The following MAGI2 variants were observed in gnomAD, a reference collection of about 807,000 sequenced individuals.
The protein encoded by MAGI2 is membrane-associated guanylate kinase, WW and PDZ domain-containing protein 2.
Under a neutral mutation model 133.3 loss-of-function variants are expected in MAGI2, and 35 were observed. The ratio of observed to expected loss-of-function variants is 0.26; its 90% CI spans 0.20 to 0.35. The LOEUF is 0.35. Among genes scored for constraint, MAGI2 ranks in the 10% least tolerant of loss-of-function variants. The pLI, the probability that MAGI2 is intolerant of heterozygous loss-of-function variation, is 1.00. For synonymous variants in MAGI2, 729 were observed against 710.6 expected (o/e 1.03, Z -0.41); for missense variants, 1,636 against 1,863.4 (o/e 0.88, Z 2.25).
intron 2 of MAGI2, among the ~76,000 whole-genome samples, chr7:78,725,800 A>G (rs900631655): frequency 6.7e-6 from 1 of 149,786 alleles, no homozygotes; most frequent in Non-Finnish European, 1.5e-5. Flanking sequence ...CTCGGTCTCA[A>G]TACAACAACA....
intron 1 of MAGI2, among the ~76,000 whole-genome samples, chr7:79,248,743 A>G (rs1362947518): frequency 6.6e-6 from 1 of 152,218 alleles, no homozygotes; most frequent in Non-Finnish European, 1.5e-5. Flanking sequence ...AACACATGGA[A>G]ATTAGACAAT....
At chr7:78,992,061 T>C (rs1046781247) in intron 2 of MAGI2, among the ~76,000 whole-genome samples, 6 of 152,100 alleles carry the variant, frequency 3.9e-5, no homozygotes, top group African/African-American at 1.2e-4. Context: ...TATTAGTCTA[T>C]GTCTTCATCA....
At chr7:78,487,515 G>A (rs1307742166) in intron 6 of MAGI2, 1 of 152,102 alleles carries the variant, frequency 6.6e-6, no homozygotes, top group Non-Finnish European at 1.5e-5. Context: ...TGCACAGTGA[G>A]CGCAAAGAAA....
intron 1 of MAGI2, among the ~76,000 whole-genome samples, chr7:79,434,895 A>G (rs890132009): frequency 2.0e-5 from 3 of 152,220 alleles, no homozygotes; most frequent in Admixed American, 6.5e-5. Context: ...CAATTAGTAG[A>G]AAGCCTAAAT....
chr7:78,654,263 G>A (rs1297538503), intron 2 of MAGI2, among the ~76,000 whole-genome samples: 1 of 152,096 alleles, frequency 6.6e-6, no homozygotes, highest in East Asian at 1.9e-4. Flanking sequence ...GTAAAACTGG[G>A]ATAACATACT....
intron 7 of MAGI2, among the ~76,000 whole-genome samples, chr7:78,351,042 G>C (rs541599235): frequency 6.6e-6 from 1 of 152,284 alleles, no homozygotes; most frequent in East Asian, 1.9e-4. Context: ...CTTTTAAGTG[G>C]AGACTGTGTC....
At chr7:79,145,029 A>T (rs939466108) in intron 1 of MAGI2, among the ~76,000 whole-genome samples, 67 of 152,100 alleles carry the variant, frequency 4.4e-4, no homozygotes, top group Non-Finnish European at 4.4e-5. Context: ...TGGGTTTGGA[A>T]ATGTTTTTCT....
intron 1 of MAGI2, among the ~76,000 whole-genome samples, chr7:79,084,100 T>C (rs886290513): frequency 2.0e-5 from 3 of 151,836 alleles, no homozygotes; most frequent in African/African-American, 4.8e-5. Flanking sequence ...TTTCAAAGAA[T>C]CAATTTTTTG....
chr7:78,742,661 A>T (rs1822544030), intron 2 of MAGI2, among the ~76,000 whole-genome samples: 1 of 152,188 alleles, frequency 6.6e-6, no homozygotes, highest in Non-Finnish European at 1.5e-5. Context: ...CCCACAAGAA[A>T]ATCCCCTATC....
chr7:79,329,553 G>A (rs180912172), intron 1 of MAGI2, among the ~76,000 whole-genome samples: 24 of 152,252 alleles, frequency 1.6e-4, no homozygotes, highest in Admixed American at 6.5e-4. Flanking sequence ...GAAGCCATCC[G>A]TATTACTTTG....
At chr7:79,000,405 C>A (rs975989605) in intron 2 of MAGI2, 1 of 152,090 alleles carries the variant, frequency 6.6e-6, no homozygotes, top group Non-Finnish European at 1.5e-5. Context: ...GATGTTAACA[C>A]GTATTTTTAC....
At chr7:78,573,247 A>ATAT (rs1801794540) in intron 3 of MAGI2, among the ~76,000 whole-genome samples, 5 of 44,836 alleles carry the variant, frequency 1.1e-4, no homozygotes, top group Non-Finnish European at 1.9e-4. Flanking sequence ...TATATATATA[A>ATAT]ATATATATAA....
At chr7:78,537,460 C>A (rs1326414813) in intron 3 of MAGI2, among the ~76,000 whole-genome samples, 1 of 152,174 alleles carries the variant, frequency 6.6e-6, no homozygotes, top group African/African-American at 2.4e-5. Context: ...TACATTCCCA[C>A]CAGCAGTGTA....
At chr7:79,253,206 TA>T (rs1385289313) in intron 1 of MAGI2, among the ~76,000 whole-genome samples, 1 of 152,226 alleles carries the variant, frequency 6.6e-6, no homozygotes, top group Non-Finnish European at 1.5e-5. Flanking sequence ...TATATTCCTA[TA>T]TTATATGTTT....
At chr7:79,139,544 C>T (rs1821922600) in intron 1 of MAGI2, among the ~76,000 whole-genome samples, 1 of 152,176 alleles carries the variant, frequency 6.6e-6, no homozygotes, top group Non-Finnish European at 1.5e-5. Context: ...ACTTACTGAA[C>T]TCCAGCTATG....
intron 6 of MAGI2, among the ~76,000 whole-genome samples, chr7:78,462,964 AT>A (rs1790221167): frequency 1.3e-5 from 2 of 152,222 alleles, no homozygotes; most frequent in African/African-American, 2.4e-5. Flanking sequence ...GGTTTCTAAA[AT>A]TGAGAAACAG....
chr7:78,759,272 C>T (rs574341249), intron 2 of MAGI2, among the ~76,000 whole-genome samples: 1 of 152,078 alleles, frequency 6.6e-6, no homozygotes, highest in African/African-American at 2.4e-5. Context: ...ATTTGAACAT[C>T]TGGCCTACCT....
chr7:78,770,753 T>C (rs1183729041), intron 2 of MAGI2: 1 of 152,026 alleles, frequency 6.6e-6, no homozygotes, highest in Admixed American at 6.6e-5. Context: ...TCCCCAGGGG[T>C]TGAGGAGCAG....
At chr7:78,478,142 C>T (rs975372719) in intron 6 of MAGI2, among the ~76,000 whole-genome samples, 1 of 151,684 alleles carries the variant, frequency 6.6e-6, no homozygotes, top group African/African-American at 2.4e-5. Context: ...TCTCATTGTT[C>T]AACTCCCACT....
Sources: allele counts gnomAD v4.1 joint callset (sites outside exome capture counted in the v4.1 genomes callset), GRCh38; gene constraint gnomAD v4.1.1; transcripts MANE v1.5; gene names NCBI Gene and HGNC (gene_info 2026-07-23, HGNC 2026-07-21).